NAALADL2: variants seen among roughly 807,000 people sequenced by gnomAD.
NAALADL2 encodes inactive N-acetylated-alpha-linked acidic dipeptidase-like protein 2.
In NAALADL2, 76 loss-of-function variants were observed where a neutral mutation model predicts 87.2. The observed-to-expected ratio is 0.87, with a 90% CI of 0.72 to 1.05. NAALADL2 has a LOEUF of 1.05. Ranked by LOEUF, NAALADL2 falls within the 50% of genes least tolerant of loss-of-function variation. The pLI, the probability that NAALADL2 is intolerant of heterozygous loss-of-function variation, is 0.00. For missense variants in NAALADL2, 1,089 were observed against 945.8 expected, an observed-to-expected ratio of 1.15 and a Z score of -1.99; for synonymous variants, 354 against 331.0, an observed-to-expected ratio of 1.07 and a Z score of -0.75.
chr3:175,320,193 A>G (rs1369855330), intron 4 of NAALADL2, among the ~76,000 whole-genome samples: 3 of 152,206 alleles, frequency 2.0e-5, no homozygotes, highest in African/African-American at 7.2e-5. Context: ...CATATGAGAT[A>G]AGTCATACTA....
At chr3:175,419,681 A>G (rs1352689219) in intron 5 of NAALADL2, among the ~76,000 whole-genome samples, 1 of 151,928 alleles carries the variant, frequency 6.6e-6, no homozygotes, top group African/African-American at 2.4e-5. Context: ...GGGTGCTTTT[A>G]TTACTGCCCA....
At chr3:174,758,217 TTTTC>T (rs978347811) in intron 3 of NAALADL2, among the ~76,000 whole-genome samples, 1 of 152,176 alleles carries the variant, frequency 6.6e-6, no homozygotes, top group African/African-American at 2.4e-5. Context: ...TTTTAGAATA[TTTTC>T]TTTCTTTCTA....
At chr3:175,423,103 A>G (rs984270437) in intron 5 of NAALADL2, among the ~76,000 whole-genome samples, 10 of 144,936 alleles carry the variant, frequency 6.9e-5, no homozygotes, top group Non-Finnish European at 7.5e-5. Flanking sequence ...TTTAGCTTTT[A>G]AAAAGATTTG....
At chr3:174,980,903 A>G (rs1482074153) in intron 1 of NAALADL2, among the ~76,000 whole-genome samples, 1 of 152,178 alleles carries the variant, frequency 6.6e-6, no homozygotes, top group African/African-American at 2.4e-5. Context: ...TTGCATTTTT[A>G]AGAAGCTGCA....
chr3:174,894,606 A>C, intron 1 of NAALADL2, among the ~76,000 whole-genome samples: 1 of 26,410 alleles, frequency 3.8e-5, no homozygotes, highest in East Asian at 4.4e-3. Flanking sequence ...AAAAAAAAAA[A>C]AAAAAAAAAA....
chr3:175,745,173 A>C (rs550396091), intron 12 of NAALADL2, among the ~76,000 whole-genome samples: 1 of 152,302 alleles, frequency 6.6e-6, no homozygotes, highest in Non-Finnish European at 1.5e-5. Flanking sequence ...AGGATAATTT[A>C]CCAGTGAATA....
intron 9 of NAALADL2, among the ~76,000 whole-genome samples, chr3:175,484,413 C>A (rs1187724286): frequency 6.6e-6 from 1 of 152,034 alleles, no homozygotes; most frequent in Non-Finnish European, 1.5e-5. Flanking sequence ...TTGCTGTCAA[C>A]ATAGTTAAAA....
rs557187133 is a variant in NAALADL2 at position 175,382,616 on chromosome 3, A to G, written c.1090+58291A>G. On this transcript the variant is annotated intron_variant, in intron 5 of 13. Transcript: ENST00000454872. ...TCGGATCATATGGTAACAATTTTACATTTAAACTTTTGAAGAACATTCCAA... is the reference window on the plus strand; with the variant it reads ...TCGGATCATATGGTAACAATTTTACGTTTAAACTTTTGAAGAACATTCCAA... 9.3e-4 allele frequency among the ~76,000 whole-genome samples: 44 copies of G among 47,546 alleles called. 2 individuals carry two copies. Among genetic ancestry groups the G allele is most frequent in the African/African-American group, 2.7e-3 (43 of 16,056 alleles). The allele number at this position is 47,546 out of a possible 152,430, so 31.2% of individuals were successfully genotyped here. A position where few individuals can be genotyped will look rare whatever the true frequency, so the allele number is the denominator to read the frequency against.
rs567093784 is a variant in NAALADL2 at position 175,707,407 on chromosome 3, A to G, written c.1897-29899A>G. On this transcript the variant is annotated intron_variant, in intron 11 of 13. Coordinates refer to ENST00000454872, the MANE Select transcript of NAALADL2 (RefSeq NM_207015.3). The stretch of plus-strand genomic sequence containing the variant: ...AAAAACTATTCTTAACGCATGAGCC[A>G]TACAAAAAGAAGGAGTGGGCTAGAT... Among the ~76,000 whole-genome samples the G allele has an allele frequency of 7.2e-5, 11 of 152,268 alleles. No individual in the cohort carries two copies. In the South Asian group the frequency reaches 1.9e-3, roughly 26 times the overall value.
intron 2 of NAALADL2, among the ~76,000 whole-genome samples, chr3:175,105,968 T>A (rs17588879): frequency 0.45 from 68,340 of 151,872 alleles, 15,547 homozygotes; most frequent in East Asian, 0.52. Flanking sequence ...AGGTCTTTTT[T>A]TATCCTGTTA....
chr3:175,724,844 T>G (rs1742717354), intron 11 of NAALADL2, among the ~76,000 whole-genome samples: 1 of 152,014 alleles, frequency 6.6e-6, no homozygotes, highest in South Asian at 2.1e-4. Context: ...ATACCAGATA[T>G]CCAAATCTAT....
intron 13 of NAALADL2, among the ~76,000 whole-genome samples, chr3:175,797,406 G>C (rs1229840271): frequency 9.2e-5 from 14 of 152,180 alleles, no homozygotes; most frequent in African/African-American, 1.2e-4. Flanking sequence ...GTGATTTATT[G>C]AATTAGATCT....
At chr3:175,252,694 A>G (rs898463687) in intron 3 of NAALADL2, among the ~76,000 whole-genome samples, 10 of 152,204 alleles carry the variant, frequency 6.6e-5, no homozygotes, top group African/African-American at 2.4e-4. Context: ...TGTGTCAAAC[A>G]GCCAAGTTGT....
At chr3:175,536,252 T>C (rs73169453) in intron 9 of NAALADL2, among the ~76,000 whole-genome samples, 24,058 of 152,184 alleles carry the variant, frequency 0.16, 2,177 homozygotes, top group African/African-American at 0.24. Context: ...ATCTAATCAA[T>C]GGAATAATAT....
chr3:175,802,385 T>C (rs895351239), intron 13 of NAALADL2, among the ~76,000 whole-genome samples: 2 of 151,954 alleles, frequency 1.3e-5, no homozygotes, highest in African/African-American at 4.8e-5. Context: ...GAAACATTTT[T>C]GGTTTTTACA....
chr3:175,437,927 G>A (rs1186775964), intron 5 of NAALADL2, among the ~76,000 whole-genome samples: 7 of 151,964 alleles, frequency 4.6e-5, no homozygotes, highest in Non-Finnish European at 8.8e-5. Flanking sequence ...AAGTATTAAA[G>A]CATTATGATA....
chr3:175,536,964 A>G (rs1253064269), intron 9 of NAALADL2, among the ~76,000 whole-genome samples: 2 of 152,228 alleles, frequency 1.3e-5, no homozygotes, highest in African/African-American at 4.8e-5. Flanking sequence ...CCTGAGCGAC[A>G]GAAAGAGACT....
chr3:175,796,854 AAG>A (rs1221469493), intron 13 of NAALADL2, among the ~76,000 whole-genome samples: 10 of 152,166 alleles, frequency 6.6e-5, no homozygotes, highest in East Asian at 3.8e-4. Flanking sequence ...ACATTTGAAA[AAG>A]AGTCATTATT....
chr3:175,449,582 A>G (rs1404482836), intron 6 of NAALADL2, among the ~76,000 whole-genome samples: 1 of 151,578 alleles, frequency 6.6e-6, no homozygotes, highest in Non-Finnish European at 1.5e-5. Flanking sequence ...TTCAGTAGAG[A>G]CGGGGTCTCA....
Sources: gnomAD v4.1 joint callset for allele counts (sites outside exome capture counted in the v4.1 genomes callset) on GRCh38, gnomAD v4.1.1 for gene constraint, MANE v1.5 for transcripts, NCBI Gene and HGNC (gene_info 2026-07-23, HGNC 2026-07-21) for gene names.